OSBPL3: variants seen among roughly 807,000 people sequenced by gnomAD.
OSBPL3 encodes oxysterol-binding protein-related protein 3.
In OSBPL3, 65 loss-of-function variants were observed where a neutral mutation model predicts 120.1. The ratio of observed to expected loss-of-function variants is 0.54; its 90% CI spans 0.44 to 0.67. The LOEUF is 0.67. OSBPL3 is among the 30% of genes least tolerant of loss of function. The pLI is 0.00. For synonymous variants in OSBPL3, 416 were observed against 402.6 expected, an observed-to-expected ratio of 1.03 and a Z score of -0.40; for missense variants, 1,004 against 1,082.1, an observed-to-expected ratio of 0.93 and a Z score of 1.01.
In OSBPL3 at chr7:24,849,065, C is replaced by T. The variant is rs1407220626; in HGVS notation, c.1266+4G>A. 6.2e-7 allele frequency: 1 copy of T among 1,608,238 alleles called. No homozygotes were observed. The highest frequency in any genetic ancestry group is 1.7e-5 in the Admixed American group (1 of 59,952). On this transcript the variant is annotated splice_donor_region_variant and intron_variant, in intron 12 of 22. Coordinates refer to ENST00000313367, the MANE Select transcript of OSBPL3 (RefSeq NM_015550.4). The surrounding 1 kb of genome is among the most constrained non-coding windows in gnomAD (Gnocchi z 5.4). ...AGACATTACCAGACGAGAAACCTAC[C>T]CACCTCTGCCAGATTGTCACCCGAC... is the stretch of plus-strand genomic sequence containing the variant.
rs761489890 is a variant in OSBPL3 at position 24,872,003 on chromosome 7, T to C, written c.163A>G (p.Lys55Glu). 3.7e-6 allele frequency: 6 copies of C among 1,613,996 alleles called. No homozygotes were observed. The Admixed American group carries it at 6.7e-5, about 18-fold the overall frequency. The change falls in exon 3 of 23, where the codon AAA becomes GAA. Residue 55 changes from lysine (K) to glutamate (E), a missense_variant. This residue lies in a region of OSBPL3 where 255 missense variants were observed against 248.7 expected (regional missense o/e 1.03). Transcript: ENST00000313367. The surrounding 1 kb of genome is among the most constrained non-coding windows in gnomAD (Gnocchi z 4.1). ...MNYTQEPPVQ[K>E]GFLLKKRKWP... ...TTCCTCTTTTTCAGCAAAAATCCTT[T>C]CTGAACTGGTGGCTCCTGGGTGTAA...
intron 1 of OSBPL3, among the ~76,000 whole-genome samples, chr7:24,897,208 G>A (rs1310291785): frequency 6.6e-6 from 1 of 151,974 alleles, no homozygotes; most frequent in Middle Eastern, 3.2e-3. Flanking sequence ...ACACTCCACA[G>A]ATGTAAAGGC....
At chr7:24,931,856 CT>C (rs1335283258) in intron 1 of OSBPL3, among the ~76,000 whole-genome samples, 1 of 152,150 alleles carries the variant, frequency 6.6e-6, no homozygotes, top group Non-Finnish European at 1.5e-5. Context: ...ATCAACAAGA[CT>C]GATACTGTCT....
intron 10 of OSBPL3, among the ~76,000 whole-genome samples, chr7:24,858,800 T>C (rs1368693212): frequency 6.6e-6 from 1 of 152,190 alleles, no homozygotes; most frequent in Non-Finnish European, 1.5e-5. Flanking sequence ...ATGGATCCAC[T>C]CAGTATGGCA....
intron 1 of OSBPL3, among the ~76,000 whole-genome samples, chr7:24,958,268 TA>T (rs1815307858): frequency 6.6e-6 from 1 of 152,180 alleles, no homozygotes; most frequent in African/African-American, 2.4e-5. Context: ...TCTCAGTCAA[TA>T]GGATAGTAAA....
At chr7:24,837,904 A>G (rs1425013693) in intron 14 of OSBPL3, among the ~76,000 whole-genome samples, 1 of 152,222 alleles carries the variant, frequency 6.6e-6, no homozygotes, top group African/African-American at 2.4e-5. Context: ...ACAGGTCCTA[A>G]TATGTGCCCA....
chr7:24,894,786 T>A lies in OSBPL3; in HGVS notation c.-149-2165A>T, dbSNP rs1416940103. Among the ~76,000 whole-genome samples the A allele has an allele frequency of 2.6e-5, 4 of 152,202 alleles. No individual in the cohort carries two copies. Among genetic ancestry groups the A allele is most frequent in the Non-Finnish European group, 1.5e-5 (1 of 68,020 alleles). On this transcript the variant is annotated intron_variant, in intron 1 of 22. Coordinates refer to ENST00000313367, the MANE Select transcript of OSBPL3 (RefSeq NM_015550.4). The surrounding 1 kb of genome is among the most constrained non-coding windows in gnomAD (Gnocchi z 4.1). ...CAATAAATGAAAGTTACAGGAATTC[T>A]AAAACCACCAAAACAGAAACACCAC...
chr7:24,974,524 G>A (rs1358209300), intron 1 of OSBPL3, among the ~76,000 whole-genome samples: 3 of 152,088 alleles, frequency 2.0e-5, no homozygotes, highest in Non-Finnish European at 4.4e-5. Flanking sequence ...ATAAAACAGC[G>A]AACAGGGCCC....
chr7:24,929,291 T>C (rs1280769940), intron 1 of OSBPL3, among the ~76,000 whole-genome samples: 1 of 152,260 alleles, frequency 6.6e-6, no homozygotes, highest in Non-Finnish European at 1.5e-5. Flanking sequence ...TGTGGTATAC[T>C]GAAAGGTCGC....
chr7:24,927,400 G>C, intron 1 of OSBPL3, among the ~76,000 whole-genome samples: 1 of 152,132 alleles, frequency 6.6e-6, no homozygotes, highest in East Asian at 1.9e-4. Flanking sequence ...AAGCTACTCA[G>C]TCTACAAATC....
chr7:24,852,542 A>G lies in OSBPL3; in HGVS notation c.1120T>C (p.Ser374Pro), dbSNP rs201799156. The G allele has an allele frequency of 1.9e-4, 303 of 1,605,614 alleles. 2 individuals are homozygous for G. In the East Asian group the frequency reaches 6.7e-3, roughly 35 times the overall value. Reference sequence around the variant, plus strand: ...TTCTTCAGACCAATGACCTGAGCAGACGGGGAGGAGGAGGCATCCTGCTCC... The same window carrying G: ...TTCTTCAGACCAATGACCTGAGCAGGCGGGGAGGAGGAGGCATCCTGCTCC... Reference protein sequence around the residue: ...LMEQDASSSPSAQVIGLKNAL... With the variant: ...LMEQDASSSPPAQVIGLKNAL... Residue 374 changes from serine (S) to proline (P), a missense_variant, in exon 11 of 23, where the codon TCT (serine) becomes CCT (proline). Around this residue, in one of 4 missense-constraint regions of OSBPL3, gnomAD observed 272 missense variants for 248.8 expected, o/e 1.09. Transcript: ENST00000313367. The surrounding 1 kb of genome is among the most constrained non-coding windows in gnomAD (Gnocchi z 4.1).
In OSBPL3 at chr7:24,965,427, A is replaced by G. The variant is rs1421346657; in HGVS notation, c.-150+14459T>C. Among the ~76,000 whole-genome samples, 1 of 152,218 alleles carries G rather than the reference A, an allele frequency of 6.6e-6. No homozygotes were observed. Among genetic ancestry groups the G allele is most frequent in the Non-Finnish European group, 1.5e-5 (1 of 68,030 alleles). On this transcript the variant is annotated intron_variant, in intron 1 of 22. Coordinates refer to ENST00000313367, the MANE Select transcript of OSBPL3 (RefSeq NM_015550.4). The surrounding 1 kb of genome is among the most constrained non-coding windows in gnomAD (Gnocchi z 4.3). The stretch of plus-strand genomic sequence containing the variant: ...TTGTTGTGAGAAGAAACATATATTA[A>G]AGTGATTTACAAATGTGGAAGTGTT...
Position 24,940,268 on chromosome 7 carries a change from G to C in OSBPL3, c.-150+39618C>G, listed in dbSNP as rs148579546. 1.4e-4 allele frequency among the ~76,000 whole-genome samples: 22 copies of C among 152,294 alleles called. No individual in the cohort carries two copies. The highest frequency in any genetic ancestry group is 5.9e-4 in the Admixed American group (9 of 15,304). On this transcript the variant is annotated intron_variant, in intron 1 of 22. Coordinates refer to ENST00000313367, the MANE Select transcript of OSBPL3 (RefSeq NM_015550.4). This position sits in a 1 kb window ranked among gnomAD's most constrained non-coding sequence, Gnocchi z 4.4. ...ATTTGTAAGAAAGCCAATAAGCAGA[G>C]TGGTAAACTGAGTACAAAGACAGAA...
In OSBPL3 at chr7:24,820,974, G is replaced by T. The variant is rs1003167907; in HGVS notation, c.1885-736C>A. 2.0e-5 allele frequency among the ~76,000 whole-genome samples: 3 copies of T among 152,200 alleles called. No individual in the cohort carries two copies. Among genetic ancestry groups the T allele is most frequent in the African/African-American group, 7.2e-5 (3 of 41,446 alleles). The stretch of plus-strand genomic sequence containing the variant: ...AGCAGAGAGTGCCCTTTGGCAAGGG[G>T]TCATTACTCATTTTATTCAGCAGTG... On this transcript the variant is annotated intron_variant, in intron 16 of 22. Transcript: ENST00000313367. The surrounding 1 kb of genome is among the most constrained non-coding windows in gnomAD (Gnocchi z 4.6).
Position 24,936,480 on chromosome 7 carries a change from GAATA to G in OSBPL3, c.-150+43402_-150+43405del, listed in dbSNP as rs2128474633. ...GCCAAGTTCTTAACACCACCAATGA[GAATA>G]AAGTCCTGGGAGTATATGGAGAAGT... On this transcript the variant is annotated intron_variant, in intron 1 of 22. Coordinates refer to ENST00000313367, the MANE Select transcript of OSBPL3 (RefSeq NM_015550.4). This position sits in a 1 kb window ranked among gnomAD's most constrained non-coding sequence, Gnocchi z 4.2. 6.6e-6 allele frequency among the ~76,000 whole-genome samples: 1 copy of G among 152,266 alleles called. No individual in the cohort carries two copies. The highest frequency in any genetic ancestry group is 2.1e-4 in the South Asian group (1 of 4,822).
Position 24,936,705 on chromosome 7 carries a change from T to C in OSBPL3, c.-150+43181A>G, listed in dbSNP as rs1812465491. Among the ~76,000 whole-genome samples, 1 of 152,020 alleles carries C rather than the reference T, an allele frequency of 6.6e-6. No individual in the cohort carries two copies. Among genetic ancestry groups the C allele is most frequent in the Admixed American group, 6.6e-5 (1 of 15,262 alleles). Reference sequence around the variant, plus strand: ...CTTTGAGGGCCTGCTGGAGAACAGGTATGTAGAAGTTAGGGAAGATGTGAA... The same window carrying C: ...CTTTGAGGGCCTGCTGGAGAACAGGCATGTAGAAGTTAGGGAAGATGTGAA... On this transcript the variant is annotated intron_variant, in intron 1 of 22. Coordinates refer to ENST00000313367, the MANE Select transcript of OSBPL3 (RefSeq NM_015550.4). This position sits in a 1 kb window ranked among gnomAD's most constrained non-coding sequence, Gnocchi z 4.2.
intron 1 of OSBPL3, among the ~76,000 whole-genome samples, chr7:24,977,426 G>C (rs1050277841): frequency 9.2e-5 from 14 of 152,176 alleles, no homozygotes; most frequent in Admixed American, 2.0e-4. Flanking sequence ...AGTGGGGCGA[G>C]AATTGAAGTC....
At position 24,959,826 on chromosome 7, in the gene OSBPL3, C is replaced by T. The variant is rs1248534902; in HGVS notation, c.-150+20060G>A. On this transcript the variant is annotated intron_variant, in intron 1 of 22. Coordinates refer to ENST00000313367, the MANE Select transcript of OSBPL3 (RefSeq NM_015550.4). This position sits in a 1 kb window ranked among gnomAD's most constrained non-coding sequence, Gnocchi z 4.3. ...ACTTGTAAAACCCAGCTGACCTGGA[C>T]TGGTTTGACCAAAGAGCCTACCACT... 6.6e-6 allele frequency among the ~76,000 whole-genome samples: 1 copy of T among 152,174 alleles called. No homozygotes were observed. Among genetic ancestry groups the T allele is most frequent in the African/African-American group, 2.4e-5 (1 of 41,448 alleles).
At chr7:24,979,839 G>GCCCCCCGACACCCAGGC in intron 1 of OSBPL3, 47 bp downstream of exon 1, 3 of 969,216 alleles carry the variant, frequency 3.1e-6, no homozygotes, top group Non-Finnish European at 3.7e-6. Flanking sequence ...CCGCCGCCAG[G>GCCCCCCGACACCCAGGC]CCCCCCGACA....
Sources: allele counts gnomAD v4.1 joint callset (sites outside exome capture counted in the v4.1 genomes callset), GRCh38; gene constraint gnomAD v4.1.1; regional missense constraint gnomAD v4.1.1; non-coding constraint Gnocchi (gnomAD v3.1); transcripts MANE v1.5; gene names NCBI Gene and HGNC (gene_info 2026-07-23, HGNC 2026-07-21).